The following SPOPL variants were observed in gnomAD, a reference collection of about 807,000 sequenced individuals.
The protein encoded by SPOPL is speckle-type POZ protein-like.
A neutral mutation model predicts 53.8 loss-of-function variants in SPOPL; 23 were observed. That is an observed-to-expected ratio of 0.43 (90% CI 0.31 to 0.61). The LOEUF is 0.61. SPOPL is among the 20% of genes least tolerant of loss of function. The pLI is 0.12. For synonymous variants in SPOPL, 164 were observed against 149.7 expected, an observed-to-expected ratio of 1.10 and a Z score of -0.70; for missense variants, 442 against 466.9, an observed-to-expected ratio of 0.95 and a Z score of 0.49.
At chr2:138,561,006 C>G (rs1308890153) in intron 8 of SPOPL, 79 bp downstream of exon 8, 3 of 1,509,008 alleles carry the variant, frequency 2.0e-6, no homozygotes, top group Non-Finnish European at 2.7e-6. Context: ...AATGAAAACT[C>G]CAAATAACTC....
In SPOPL at chr2:138,511,548, G is replaced by T. The variant is rs139773049; in HGVS notation, c.-61+9429G>T. On this transcript the variant is annotated intron_variant, in intron 1 of 10. Transcript: ENST00000280098. ...TTACTTCTAATCACTAACCCATGAG[G>T]TATAGATAATACCATAATTTTTTGA... Among the ~76,000 whole-genome samples the T allele has an allele frequency of 3.0e-4, 45 of 152,262 alleles. No individual in the cohort carries two copies. The East Asian group carries it at 7.3e-3, about 25-fold the overall frequency.
At chr2:138,566,346 T>C (rs1288282388) in intron 10 of SPOPL, among the ~76,000 whole-genome samples, 1 of 152,232 alleles carries the variant, frequency 6.6e-6, no homozygotes, top group Non-Finnish European at 1.5e-5. Context: ...TTTCAAGCTC[T>C]AGTTTTACTC....
intron 1 of SPOPL, among the ~76,000 whole-genome samples, chr2:138,549,685 T>C (rs1453130448): frequency 6.6e-6 from 1 of 152,152 alleles, no homozygotes; most frequent in African/African-American, 2.4e-5. Context: ...ATTCATTGCC[T>C]GTTACATTCC....
At chr2:138,550,837 C>T in intron 3 of SPOPL, 66 bp from the exon 4 acceptor site, 1 of 1,531,558 alleles carries the variant, frequency 6.5e-7, no homozygotes, top group Non-Finnish European at 8.8e-7. Flanking sequence ...TTCTCTCTCT[C>T]TCTCTCTCTC....
intron 8 of SPOPL, among the ~76,000 whole-genome samples, chr2:138,563,692 C>A (rs1685600055): frequency 1.3e-5 from 2 of 152,122 alleles, no homozygotes; most frequent in Non-Finnish European, 2.9e-5. Context: ...ATGGTACAAC[C>A]ACTTTGGAAA....
rs1034574901 is a variant in SPOPL at position 138,569,404 on chromosome 2, T to C, written c.*324T>C. The C allele has an allele frequency of 3.0e-5, 6 of 202,270 alleles. No individual in the cohort carries two copies. The highest frequency in any genetic ancestry group is 5.7e-5 in the Admixed American group (1 of 17,496). 12.5% of individuals were successfully genotyped at this position (202,270 alleles called of 1,614,324 possible). A position where few individuals can be genotyped will look rare whatever the true frequency, so the allele number is the denominator to read the frequency against. The stretch of plus-strand genomic sequence containing the variant: ...GCACTAGCTCCATAATGCAGTAATA[T>C]TGATAACTGAAGATACTAAGTTTCA... On this transcript the variant is annotated 3_prime_UTR_variant, in exon 11 of 11. Coordinates refer to ENST00000280098, the MANE Select transcript of SPOPL (RefSeq NM_001001664.3).
chr2:138,559,869 G>A (rs1000924208), intron 7 of SPOPL, among the ~76,000 whole-genome samples: 2 of 152,136 alleles, frequency 1.3e-5, no homozygotes, highest in Admixed American at 6.6e-5. Context: ...CTTGTGAACC[G>A]TAGGGCTCCA....
chr2:138,539,259 A>C (rs1272557743), intron 1 of SPOPL, among the ~76,000 whole-genome samples: 1 of 152,346 alleles, frequency 6.6e-6, no homozygotes, highest in African/African-American at 2.4e-5. Flanking sequence ...CTTTGGGTAT[A>C]TACCCAGTAA....
At position 138,526,426 on chromosome 2, in the gene SPOPL, A is replaced by G. The variant is rs538012139; in HGVS notation, c.-60-23731A>G. Among the ~76,000 whole-genome samples the G allele has an allele frequency of 7.6e-4, 116 of 152,290 alleles. 2 individuals carry two copies. The highest frequency in any genetic ancestry group is 2.6e-3 in the African/African-American group (108 of 41,562). On this transcript the variant is annotated intron_variant, in intron 1 of 10. Coordinates refer to ENST00000280098, the MANE Select transcript of SPOPL (RefSeq NM_001001664.3). ...GAGACATTCGTGTAAAAGGCACACA[A>G]AATAATTTAGGGGAGTATCAGGATT...
intron 1 of SPOPL, among the ~76,000 whole-genome samples, chr2:138,538,400 G>A (rs941379232): frequency 6.6e-6 from 1 of 152,044 alleles, no homozygotes; most frequent in Non-Finnish European, 1.5e-5. Context: ...GTGTATATAT[G>A]TTTGTACTTG....
At chr2:138,536,920 T>A (rs1378925173) in intron 1 of SPOPL, among the ~76,000 whole-genome samples, 2 of 152,338 alleles carry the variant, frequency 1.3e-5, no homozygotes, top group East Asian at 3.9e-4. Context: ...ATCTCTACTG[T>A]AGGAGCTGTG....
chr2:138,533,025 A>G (rs538485188), intron 1 of SPOPL, among the ~76,000 whole-genome samples: 2 of 152,272 alleles, frequency 1.3e-5, no homozygotes, highest in East Asian at 1.9e-4. Context: ...TCCCCTGCCC[A>G]TCTGTACCAT....
intron 1 of SPOPL, among the ~76,000 whole-genome samples, 185 bp downstream of exon 1, chr2:138,502,304 G>A (rs960396597): frequency 1.3e-5 from 2 of 152,178 alleles, no homozygotes; most frequent in African/African-American, 4.8e-5. Flanking sequence ...CCACGCCCCC[G>A]GACCGCCCTT....
chr2:138,550,365 G>A lies in SPOPL; in HGVS notation c.78+71G>A, dbSNP rs1158265665. On this transcript the variant is annotated intron_variant, in intron 2 of 10. Coordinates refer to ENST00000280098, the MANE Select transcript of SPOPL (RefSeq NM_001001664.3). ...TACAGTATGTTGAGAATAGTATTGT[G>A]AAACACTTTGCCATAGTTATTAGAA... The A allele has an allele frequency of 5.6e-6, 9 of 1,595,956 alleles. No individual in the cohort carries two copies. In the African/African-American group the frequency reaches 1.2e-4, roughly 21 times the overall value.
intron 1 of SPOPL, among the ~76,000 whole-genome samples, chr2:138,508,744 C>T (rs984007278): frequency 1.3e-5 from 2 of 152,146 alleles, no homozygotes; most frequent in African/African-American, 2.4e-5. Context: ...AAACTCCTGG[C>T]CTCAAGGGAA....
chr2:138,510,771 A>G (rs1423983843), intron 1 of SPOPL, among the ~76,000 whole-genome samples: 1 of 152,150 alleles, frequency 6.6e-6, no homozygotes, highest in Non-Finnish European at 1.5e-5. Context: ...TATATTTTTT[A>G]ATGTTTTAGG....
At chr2:138,532,818 T>C (rs1429518105) in intron 1 of SPOPL, among the ~76,000 whole-genome samples, 2 of 152,082 alleles carry the variant, frequency 1.3e-5, no homozygotes, top group Non-Finnish European at 2.9e-5. Flanking sequence ...TCTAGAATCT[T>C]GTGACCTTTT....
intron 1 of SPOPL, among the ~76,000 whole-genome samples, chr2:138,524,801 A>G (rs1455070835): frequency 6.6e-6 from 1 of 152,222 alleles, no homozygotes; most frequent in Non-Finnish European, 1.5e-5. Flanking sequence ...CCATATCATT[A>G]TTAGCATTTT....
intron 1 of SPOPL, among the ~76,000 whole-genome samples, chr2:138,503,860 C>G (rs1418133136): frequency 6.6e-6 from 1 of 152,212 alleles, no homozygotes; most frequent in Non-Finnish European, 1.5e-5. Flanking sequence ...AATCACTACT[C>G]GAGATAGAGC....
Sources: allele counts gnomAD v4.1 joint callset (sites outside exome capture counted in the v4.1 genomes callset), GRCh38; gene constraint gnomAD v4.1.1; transcripts MANE v1.5; gene names NCBI Gene and HGNC (gene_info 2026-07-23, HGNC 2026-07-21).